Variants in HOOK3 observed in about 807,000 individuals in gnomAD.
HOOK3 encodes protein Hook homolog 3.
A neutral mutation model predicts 116.3 loss-of-function variants in HOOK3; 24 were observed. The ratio of observed to expected loss-of-function variants is 0.21; its 90% CI spans 0.15 to 0.29. The LOEUF (loss-of-function observed/expected upper bound fraction) is 0.29, where lower values mean the gene tolerates loss of function less well. HOOK3 is among the 10% of genes least tolerant of loss of function. The pLI, the probability that HOOK3 is intolerant of heterozygous loss-of-function variation, is 1.00. For synonymous variants in HOOK3, 275 were observed against 283.0 expected (o/e 0.97, Z 0.28); for missense variants, 632 against 830.2 (o/e 0.76, Z 2.93).
chr8:42,939,378 G>A (rs1203247754), intron 4 of HOOK3, among the ~76,000 whole-genome samples: 9 of 150,566 alleles, frequency 6.0e-5, no homozygotes, highest in Non-Finnish European at 1.0e-4. Flanking sequence ...TGGACGGGGC[G>A]GCTGGCCGGG....
At chr8:42,962,989 A>ATGGGGTTTCACCATGTTGGCCAGGC in intron 8 of HOOK3, among the ~76,000 whole-genome samples, 1 of 151,594 alleles carries the variant, frequency 6.6e-6, no homozygotes, top group Non-Finnish European at 1.5e-5. Flanking sequence ...TTTAGTAGAG[A>ATGGGGTTTCACCATGTTGGCCAGGC]TGGGGTTTCA....
chr8:42,934,512 A>G (rs1807928571), intron 4 of HOOK3, among the ~76,000 whole-genome samples: 1 of 151,942 alleles, frequency 6.6e-6, no homozygotes, highest in South Asian at 2.1e-4. Context: ...CATCTATATT[A>G]GGTATTTCTC....
chr8:43,003,225 G>A (rs1213823787), intron 17 of HOOK3, among the ~76,000 whole-genome samples: 12 of 152,148 alleles, frequency 7.9e-5, no homozygotes, highest in Non-Finnish European at 5.9e-5. Flanking sequence ...ACTAGGATGC[G>A]AAAGAAATTC....
intron 19 of HOOK3, among the ~76,000 whole-genome samples, chr8:43,012,318 C>G (rs1006857690): frequency 6.6e-6 from 1 of 152,164 alleles, no homozygotes; most frequent in Admixed American, 6.5e-5. Context: ...CTGTACAGCA[C>G]ATTACTGTAC....
intron 19 of HOOK3, among the ~76,000 whole-genome samples, chr8:43,010,908 A>G (rs1282837421): frequency 1.3e-5 from 2 of 152,114 alleles, no homozygotes; most frequent in African/African-American, 4.8e-5. Flanking sequence ...AGAGCACAGG[A>G]CCCATTCTAA....
chr8:42,950,272 C>T (rs1308646253), intron 5 of HOOK3, 116 bp from the exon 6 acceptor site: 21 of 686,762 alleles, frequency 3.1e-5, no homozygotes, highest in Non-Finnish European at 4.4e-5. Flanking sequence ...TGTGGGATTC[C>T]TAGGAGGAAT....
intron 3 of HOOK3, among the ~76,000 whole-genome samples, 166 bp downstream of exon 3, chr8:42,925,795 A>G (rs1336732108): frequency 1.3e-5 from 2 of 152,214 alleles, no homozygotes; most frequent in Non-Finnish European, 2.9e-5. Context: ...ACACCTAGGC[A>G]TAACATAATA....
At chr8:42,943,690 G>T (rs1808171419) in intron 5 of HOOK3, among the ~76,000 whole-genome samples, 1 of 152,112 alleles carries the variant, frequency 6.6e-6, no homozygotes, top group Non-Finnish European at 1.5e-5. Flanking sequence ...TCCTTGAGTA[G>T]ATAACTACAC....
At chr8:42,919,506 C>T (rs2130347414) in intron 2 of HOOK3, among the ~76,000 whole-genome samples, 1 of 152,146 alleles carries the variant, frequency 6.6e-6, no homozygotes, top group African/African-American at 2.4e-5. Flanking sequence ...CGATGGGCGG[C>T]CAGGCAGAGA....
intron 18 of HOOK3, among the ~76,000 whole-genome samples, chr8:43,010,072 G>T (rs1586633434): frequency 6.9e-6 from 1 of 145,706 alleles, no homozygotes; most frequent in Non-Finnish European, 1.5e-5. Flanking sequence ...CCATACTGGA[G>T]TTTTTATTTA....
At chr8:42,950,514 G>A (rs1808319317) in intron 6 of HOOK3, 59 bp downstream of exon 6, 1 of 1,093,668 alleles carries the variant, frequency 9.1e-7, no homozygotes. Flanking sequence ...ACATGAGTAT[G>A]AATAATACAA....
rs1057197039 is a variant in HOOK3, at chr8:43,024,363, C to T, written c.*5865C>T. Reference sequence around the variant, plus strand: ...CAGTAGGATGAAAGACTATTCTGAGCAAAATCAAATGGGATGTCAGAATCT... The same window carrying T: ...CAGTAGGATGAAAGACTATTCTGAGTAAAATCAAATGGGATGTCAGAATCT... On this transcript the variant is annotated 3_prime_UTR_variant, in exon 22 of 22. Coordinates refer to ENST00000307602, the MANE Select transcript of HOOK3 (RefSeq NM_032410.4). 1.6e-5 allele frequency: 3 copies of T among 193,254 alleles called. No homozygotes were observed. The highest frequency in any genetic ancestry group is 6.1e-5 in the Admixed American group (1 of 16,340). The allele number at this position is 193,254 out of a possible 1,614,324, so 12.0% of individuals were successfully genotyped here.
rs5891200 is a variant in HOOK3, at chr8:43,013,312, CTTTT to C, written c.1945-6_1945-3del. 34 of 1,201,348 alleles carry C rather than the reference CTTTT, an allele frequency of 2.8e-5. No homozygotes were observed. The highest frequency in any genetic ancestry group is 1.0e-4 in the South Asian group (6 of 58,134). The allele number at this position is 1,201,348 out of a possible 1,614,324, so 74.4% of individuals were successfully genotyped here. A position where few individuals can be genotyped will look rare whatever the true frequency, so the allele number is the denominator to read the frequency against. ...TTATATCTTTACATATTTACATGTG[CTTTT>C]TTTTTTTTTTAGAAAGAATATGAGA... On this transcript the variant is annotated splice_polypyrimidine_tract_variant and intron_variant, in intron 20 of 21. Transcript: ENST00000307602.
At chr8:42,984,404 G>A (rs1449038387) in intron 14 of HOOK3, among the ~76,000 whole-genome samples, 3 of 151,746 alleles carry the variant, frequency 2.0e-5, no homozygotes, top group African/African-American at 7.3e-5. Flanking sequence ...AACAAAAGGC[G>A]TGTTAAGGCA....
At chr8:42,985,323 C>T (rs2130450502) in intron 14 of HOOK3, among the ~76,000 whole-genome samples, 1 of 152,174 alleles carries the variant, frequency 6.6e-6, no homozygotes, top group African/African-American at 2.4e-5. Flanking sequence ...AATCTAAATG[C>T]CCAATAATTG....
intron 2 of HOOK3, among the ~76,000 whole-genome samples, chr8:42,920,777 A>G (rs1807642263): frequency 6.6e-6 from 1 of 152,152 alleles, no homozygotes; most frequent in South Asian, 2.1e-4. Flanking sequence ...AAAATTACTT[A>G]ATTTCTGAGT....
rs557534834 is a variant in HOOK3, at chr8:42,902,356, C to T, written c.58-3817C>T. ...GAGCAGTCACAGCTCACTGCAGTCC[C>T]GACCCCCCAGGCTCAAGTGATCCTC... On this transcript the variant is annotated intron_variant, in intron 1 of 21. Coordinates refer to ENST00000307602, the MANE Select transcript of HOOK3 (RefSeq NM_032410.4). 1.9e-3 allele frequency among the ~76,000 whole-genome samples: 291 copies of T among 151,774 alleles called. 2 individuals carry two copies. Among genetic ancestry groups the T allele is most frequent in the Non-Finnish European group, 1.6e-3 (106 of 67,918 alleles).
intron 3 of HOOK3, among the ~76,000 whole-genome samples, chr8:42,928,187 G>T (rs959062915): frequency 6.6e-6 from 1 of 152,166 alleles, no homozygotes; most frequent in African/African-American, 2.4e-5. Flanking sequence ...GCTGAGGCAA[G>T]AGAATCACTT....
chr8:42,946,306 C>T (rs1217257321), intron 5 of HOOK3, among the ~76,000 whole-genome samples: 4 of 151,834 alleles, frequency 2.6e-5, no homozygotes, highest in Non-Finnish European at 5.9e-5. Flanking sequence ...GTTATTTAAG[C>T]AAAGCTATGG....
Sources: gnomAD v4.1 joint callset for allele counts (sites outside exome capture counted in the v4.1 genomes callset) on GRCh38, gnomAD v4.1.1 for gene constraint, MANE v1.5 for transcripts, NCBI Gene and HGNC (gene_info 2026-07-23, HGNC 2026-07-21) for gene names.